Variants in SCAPER observed in about 807,000 individuals in gnomAD.
SCAPER encodes S-phase cyclin A associated protein in the ER, also known as S phase cyclin A-associated protein in the endoplasmic reticulum.
SCAPER carries 98 observed loss-of-function variants against 182.2 expected under a neutral mutation model. The ratio of observed to expected loss-of-function variants is 0.54; its 90% confidence interval spans 0.46 to 0.64. The LOEUF is 0.64. SCAPER is among the 30% of genes least tolerant of loss of function. SCAPER has a pLI of 0.00. For synonymous variants in SCAPER, 605 were observed against 564.6 expected, an observed-to-expected ratio of 1.07 and a Z score of -1.01; for missense variants, 1,432 against 1,690.0, an observed-to-expected ratio of 0.85 and a Z score of 2.68.
At chr15:76,540,561 G>T (rs183808279) in intron 23 of SCAPER, among the ~76,000 whole-genome samples, 1 of 151,950 alleles carries the variant, frequency 6.6e-6, no homozygotes, top group Non-Finnish European at 1.5e-5. Flanking sequence ...GAGTGTATAT[G>T]TATATTTACA....
intron 15 of SCAPER, among the ~76,000 whole-genome samples, chr15:76,742,398 TC>T (rs2061590017): frequency 9.6e-6 from 1 of 103,790 alleles, no homozygotes; most frequent in Non-Finnish European, 1.9e-5. Flanking sequence ...AAAAAACAAT[TC>T]CAAGAGCAGC....
intron 21 of SCAPER, among the ~76,000 whole-genome samples, chr15:76,632,753 C>A (rs1237051573): frequency 1.4e-5 from 2 of 147,492 alleles, no homozygotes; most frequent in African/African-American, 5.0e-5. Flanking sequence ...TTCCTTTGAT[C>A]TCTGAGGCTG....
chr15:76,353,292 C>T (rs1396289198), intron 30 of SCAPER, among the ~76,000 whole-genome samples: 1 of 152,302 alleles, frequency 6.6e-6, no homozygotes, highest in Middle Eastern at 3.4e-3. Context: ...GGGAGATTTT[C>T]AGCAAATAAT....
intron 1 of SCAPER, among the ~76,000 whole-genome samples, chr15:76,893,365 C>T (rs919664556): frequency 6.6e-6 from 1 of 151,990 alleles, no homozygotes; most frequent in Non-Finnish European, 1.5e-5. Context: ...AGGGGTAATT[C>T]ATCAAAAGGA....
At chr15:76,388,503 C>T (rs1465090832) in intron 27 of SCAPER, among the ~76,000 whole-genome samples, 8 of 152,070 alleles carry the variant, frequency 5.3e-5, no homozygotes, top group African/African-American at 1.9e-4. Flanking sequence ...TGAAGTGGGC[C>T]GTTTGGTGTG....
At position 76,486,051 on chromosome 15, in the gene SCAPER, CA is replaced by C. The variant is rs373334525; in HGVS notation, c.2955-14717del. ...TGAAACCCCGTCTCTACCAAAAATA[CA>C]AAAAATTAGCTGGGCATGGTGGTGA... On this transcript the variant is annotated intron_variant, in intron 24 of 31. Transcript: ENST00000563290. Among the ~76,000 whole-genome samples the C allele has an allele frequency of 3.3e-3, 506 of 152,020 alleles. 4 individuals carry two copies. Among genetic ancestry groups the C allele is most frequent in the Non-Finnish European group, 4.8e-3 (326 of 67,964 alleles).
intron 5 of SCAPER, among the ~76,000 whole-genome samples, chr15:76,835,214 G>T (rs990276518): frequency 2.6e-5 from 4 of 151,520 alleles, no homozygotes; most frequent in Non-Finnish European, 5.9e-5. Flanking sequence ...AAAATGTCTA[G>T]GAATAAATTA....
chr15:76,811,509 G>A (rs1455235988), intron 5 of SCAPER, among the ~76,000 whole-genome samples: 4 of 152,260 alleles, frequency 2.6e-5, no homozygotes, highest in Middle Eastern at 3.4e-3. Flanking sequence ...AGGAGGTTTG[G>A]GCCAGGCGCG....
chr15:76,610,499 T>C (rs557637216), intron 22 of SCAPER, among the ~76,000 whole-genome samples: 12 of 152,266 alleles, frequency 7.9e-5, no homozygotes, highest in Admixed American at 2.0e-4. Context: ...GTAAAATGAC[T>C]GGATATGACA....
chr15:76,430,109 C>T (rs2142480963), intron 26 of SCAPER, among the ~76,000 whole-genome samples: 1 of 152,326 alleles, frequency 6.6e-6, no homozygotes, highest in South Asian at 2.1e-4. Context: ...GTTGAGCCTG[C>T]AGGTGCACCG....
intron 17 of SCAPER, among the ~76,000 whole-genome samples, chr15:76,726,839 G>A (rs553381139): frequency 1.1e-3 from 168 of 152,126 alleles, no homozygotes; most frequent in Non-Finnish European, 2.1e-3. Flanking sequence ...TGGGGGTATG[G>A]AATGGAGAGA....
At chr15:76,449,514 G>T (rs2048228747) in intron 25 of SCAPER, among the ~76,000 whole-genome samples, 1 of 152,134 alleles carries the variant, frequency 6.6e-6, no homozygotes, top group South Asian at 2.1e-4. Flanking sequence ...TTGTATGAAT[G>T]ATTTAATCCC....
intron 4 of SCAPER, 58 bp downstream of exon 4, chr15:76,857,751 A>G: frequency 9.7e-7 from 1 of 1,030,330 alleles, no homozygotes; most frequent in Non-Finnish European, 1.4e-6. Flanking sequence ...CATAATTTAT[A>G]ATACATTCAG....
chr15:76,376,494 T>C (rs888748168), intron 28 of SCAPER, among the ~76,000 whole-genome samples, 183 bp from the exon 29 acceptor site: 9 of 152,206 alleles, frequency 5.9e-5, no homozygotes, highest in Non-Finnish European at 1.3e-4. Flanking sequence ...CCATAATAAA[T>C]GCAATGTTTA....
chr15:76,563,616 C>T (rs1210658796), intron 23 of SCAPER, among the ~76,000 whole-genome samples: 1 of 152,166 alleles, frequency 6.6e-6, no homozygotes. Flanking sequence ...ACTATTCCTA[C>T]TGAAACTGTT....
At chr15:76,440,812 C>T (rs1218467144) in intron 25 of SCAPER, among the ~76,000 whole-genome samples, 1 of 151,176 alleles carries the variant, frequency 6.6e-6, no homozygotes, top group Non-Finnish European at 1.5e-5. Context: ...AGGTATTTAC[C>T]TCAACAATTT....
At chr15:76,761,944 A>G (rs2062811441) in intron 14 of SCAPER, among the ~76,000 whole-genome samples, 1 of 152,028 alleles carries the variant, frequency 6.6e-6, no homozygotes, top group Non-Finnish European at 1.5e-5. Flanking sequence ...TATTTGTTTT[A>G]TATATTTATG....
intron 24 of SCAPER, among the ~76,000 whole-genome samples, chr15:76,490,799 C>T (rs1040948732): frequency 4.6e-5 from 7 of 152,126 alleles, no homozygotes; most frequent in African/African-American, 1.7e-4. Flanking sequence ...AATCCATTTT[C>T]AGTTGATTCT....
chr15:76,896,877 T>C (rs142384750), intron 1 of SCAPER, among the ~76,000 whole-genome samples: 5 of 152,252 alleles, frequency 3.3e-5, no homozygotes, highest in Middle Eastern at 6.8e-3. Flanking sequence ...GCCCAGGAGA[T>C]AGAGGCTACA....
Sources: allele counts gnomAD v4.1 joint callset (sites outside exome capture counted in the v4.1 genomes callset), GRCh38; gene constraint gnomAD v4.1.1; transcripts MANE v1.5; gene names NCBI Gene and HGNC (gene_info 2026-07-23, HGNC 2026-07-21).